The following UBL3 variants were observed in gnomAD, a reference collection of about 807,000 sequenced individuals.
UBL3 encodes the protein ubiquitin-like protein 3.
In UBL3, 6 loss-of-function variants were observed where a neutral mutation model predicts 18.4. The observed-to-expected ratio is 0.33, with a 90% CI of 0.18 to 0.64. UBL3 has a LOEUF of 0.64. Among genes scored for constraint, UBL3 ranks in the 30% least tolerant of loss-of-function variants. The pLI is 0.76. For missense variants in UBL3, 109 were observed against 142.9 expected, an observed-to-expected ratio of 0.76 and a Z score of 1.21; for synonymous variants, 49 against 46.6, an observed-to-expected ratio of 1.05 and a Z score of -0.21.
chr13:29,806,424 C>A (rs928562489), intron 1 of UBL3, among the ~76,000 whole-genome samples: 1 of 152,150 alleles, frequency 6.6e-6, no homozygotes, highest in African/African-American at 2.4e-5. Flanking sequence ...TTTTATCACT[C>A]TTGCCAATCA....
At chr13:29,795,822 C>G (rs1342877475) in intron 1 of UBL3, among the ~76,000 whole-genome samples, 1 of 148,496 alleles carries the variant, frequency 6.7e-6, no homozygotes, top group Admixed American at 6.8e-5. Context: ...GTCCCAGTTA[C>G]TTGGAAGGCT....
Position 29,850,221 on chromosome 13 carries a change from G to C in UBL3, c.-683C>G, listed in dbSNP as rs1302753279. The stretch of plus-strand genomic sequence containing the variant: ...GAAAGACCGGAGCGGGGGACCGACA[G>C]CGCGGGGGTGCTCGGGGCCGGCCGG... On this transcript the variant is annotated 5_prime_UTR_variant, in exon 1 of 5. Transcript: ENST00000380680. The C allele has an allele frequency of 2.6e-5, 4 of 152,864 alleles. No homozygotes were observed. The highest frequency in any genetic ancestry group is 5.8e-5 in the Non-Finnish European group (4 of 68,466). 9.5% of individuals were successfully genotyped at this position (152,864 alleles called of 1,614,324 possible). A position where few individuals can be genotyped will look rare whatever the true frequency, so the allele number is the denominator to read the frequency against.
intron 1 of UBL3, among the ~76,000 whole-genome samples, chr13:29,813,314 C>T (rs759351336): frequency 1.1e-4 from 17 of 152,000 alleles, no homozygotes; most frequent in Non-Finnish European, 2.4e-4. Context: ...TAGTATTCTT[C>T]TTCATTTTCT....
chr13:29,793,146 C>T (rs4399408), intron 1 of UBL3, among the ~76,000 whole-genome samples: 147,719 of 152,272 alleles, frequency 0.97, 71,711 homozygotes, highest in Non-Finnish European at 1. Flanking sequence ...AATAGTAAAG[C>T]GCAAATTAAA....
intron 2 of UBL3, among the ~76,000 whole-genome samples, chr13:29,775,630 T>C (rs943528113): frequency 1.3e-5 from 2 of 152,136 alleles, no homozygotes; most frequent in African/African-American, 4.8e-5. Flanking sequence ...GCAATTTTTT[T>C]TTTGAGACAG....
chr13:29,773,605 C>T (rs1041438644), intron 2 of UBL3, among the ~76,000 whole-genome samples: 2 of 151,774 alleles, frequency 1.3e-5, no homozygotes, highest in African/African-American at 4.8e-5. Context: ...GATGCAGAAA[C>T]CTGAAGCCCC....
chr13:29,845,056 T>C lies in UBL3; in HGVS notation c.27+4456A>G, dbSNP rs191214248. Among the ~76,000 whole-genome samples the C allele has an allele frequency of 7.2e-5, 11 of 152,164 alleles. No homozygotes were observed. In the East Asian group the frequency reaches 1.2e-3, roughly 16 times the overall value. ...TGAAATAAAAGTGATACTATATCCA[T>C]AGAAATTTGATACCTGTGTAAGAGG... On this transcript the variant is annotated intron_variant, in intron 1 of 4. Coordinates refer to ENST00000380680, the MANE Select transcript of UBL3 (RefSeq NM_007106.4).
At chr13:29,814,524 A>G (rs1366231317) in intron 1 of UBL3, among the ~76,000 whole-genome samples, 1 of 152,058 alleles carries the variant, frequency 6.6e-6, no homozygotes, top group Non-Finnish European at 1.5e-5. Flanking sequence ...AAAGAGAAAA[A>G]CTTTAATACT....
intron 1 of UBL3, among the ~76,000 whole-genome samples, chr13:29,815,619 A>G (rs1413197700): frequency 2.6e-5 from 4 of 152,178 alleles, no homozygotes; most frequent in African/African-American, 9.7e-5. Context: ...ACCCAGAACC[A>G]TAAAATAAAA....
At chr13:29,816,569 G>A (rs1315345625) in intron 1 of UBL3, among the ~76,000 whole-genome samples, 2 of 151,610 alleles carry the variant, frequency 1.3e-5, no homozygotes, top group African/African-American at 4.8e-5. Context: ...GACCAGCCCG[G>A]GCAACATGGT....
chr13:29,810,388 G>A (rs547583115), intron 1 of UBL3, among the ~76,000 whole-genome samples: 1 of 152,102 alleles, frequency 6.6e-6, no homozygotes, highest in Admixed American at 6.6e-5. Flanking sequence ...CTCTGAAGAA[G>A]GCTAATATTT....
At chr13:29,831,645 T>C (rs1318917742) in intron 1 of UBL3, among the ~76,000 whole-genome samples, 1 of 148,542 alleles carries the variant, frequency 6.7e-6, no homozygotes. Context: ...TGTCTTTCTA[T>C]ATGATAGTTG....
intron 1 of UBL3, among the ~76,000 whole-genome samples, chr13:29,838,389 T>G (rs1488987006): frequency 2.6e-5 from 4 of 152,176 alleles, no homozygotes; most frequent in Non-Finnish European, 5.9e-5. Flanking sequence ...AAGGTAAATT[T>G]GAGGACAAAG....
intron 1 of UBL3, among the ~76,000 whole-genome samples, chr13:29,793,822 A>C (rs9506229): frequency 0.43 from 64,894 of 151,990 alleles, 14,953 homozygotes; most frequent in African/African-American, 0.62. Flanking sequence ...AGTGTTACTA[A>C]CACTTTCATT....
intron 1 of UBL3, among the ~76,000 whole-genome samples, chr13:29,836,482 T>C (rs1044992597): frequency 9.2e-5 from 14 of 151,992 alleles, no homozygotes; most frequent in African/African-American, 2.9e-4. Context: ...AAAAGTGATA[T>C]AAAATGCCCC....
At chr13:29,833,748 T>C (rs942705656) in intron 1 of UBL3, among the ~76,000 whole-genome samples, 3 of 152,222 alleles carry the variant, frequency 2.0e-5, no homozygotes, top group Admixed American at 6.5e-5. Context: ...ATATACAATA[T>C]ATTTCACTTA....
intron 1 of UBL3, among the ~76,000 whole-genome samples, chr13:29,794,878 G>A (rs558958820): frequency 3.2e-4 from 49 of 152,292 alleles, no homozygotes; most frequent in African/African-American, 1.2e-3. Flanking sequence ...TCATGAAATT[G>A]GCTATGCATT....
rs1876651874 is a variant in UBL3 at position 29,765,450 on chromosome 13, A to G, written c.*1805T>C. ...TGTTGTGACTGTCCACAAATTAACCAGGTTAAATATCAAAGATACATTGGG... is the reference window on the plus strand; with the variant it reads ...TGTTGTGACTGTCCACAAATTAACCGGGTTAAATATCAAAGATACATTGGG... On this transcript the variant is annotated 3_prime_UTR_variant, in exon 5 of 5. Transcript: ENST00000380680. The G allele has an allele frequency of 6.6e-6, 1 of 152,184 alleles. No individual in the cohort carries two copies. The highest frequency in any genetic ancestry group is 2.4e-5 in the African/African-American group (1 of 41,464). 9.4% of individuals were successfully genotyped at this position (152,184 alleles called of 1,614,324 possible).
At chr13:29,815,481 A>G (rs957187087) in intron 1 of UBL3, among the ~76,000 whole-genome samples, 3 of 152,180 alleles carry the variant, frequency 2.0e-5, no homozygotes, top group Non-Finnish European at 4.4e-5. Flanking sequence ...CTTCCTGAAC[A>G]AATAAATTTG....
Sources: gnomAD v4.1 joint callset for allele counts (sites outside exome capture counted in the v4.1 genomes callset) on GRCh38, gnomAD v4.1.1 for gene constraint, MANE v1.5 for transcripts, NCBI Gene and HGNC (gene_info 2026-07-23, HGNC 2026-07-21) for gene names.